The following MTFR1L variants were observed in gnomAD, a reference collection of about 807,000 sequenced individuals.
MTFR1L encodes the protein mitochondrial fission regulator 1 like, also known as mitochondrial fission regulator 1-like.
In MTFR1L, 10 loss-of-function variants were observed where a neutral mutation model predicts 27.9. The ratio of observed to expected loss-of-function variants is 0.36; its 90% CI spans 0.22 to 0.61. MTFR1L has a LOEUF of 0.61. Ranked by LOEUF, MTFR1L falls within the 20% of genes least tolerant of loss-of-function variation. The pLI, the probability that MTFR1L is intolerant of heterozygous loss-of-function variation, is 0.73. For missense variants in MTFR1L, 315 were observed against 363.7 expected (o/e 0.87, Z 1.09); for synonymous variants, 151 against 139.4 (o/e 1.08, Z -0.58).
intron 5 of MTFR1L, among the ~76,000 whole-genome samples, chr1:25,828,755 A>G (rs1389900135): frequency 6.6e-6 from 1 of 151,694 alleles, no homozygotes; most frequent in East Asian, 1.9e-4. Flanking sequence ...TCCCATCCTC[A>G]TTTTTTCACT....
intron 5 of MTFR1L, among the ~76,000 whole-genome samples, chr1:25,829,262 T>C (rs2048205615): frequency 6.6e-6 from 1 of 152,190 alleles, no homozygotes; most frequent in African/African-American, 2.4e-5. Flanking sequence ...AAGGCCATTA[T>C]GGGGCTGGGT....
rs1210067811 is a variant in MTFR1L, at chr1:25,826,298, A to G, written c.130-4A>G. 4.3e-6 allele frequency: 7 copies of G among 1,613,342 alleles called. No individual in the cohort carries two copies. The South Asian group carries it at 7.7e-5, about 18-fold the overall frequency. ...AAATGTTGATGACTTTTGCTTCTCC[A>G]TAGACCCTGCCCAACATCTCTGACC... On this transcript the variant is annotated splice_region_variant and splice_polypyrimidine_tract_variant and intron_variant, in intron 3 of 6. Transcript: ENST00000374303. This position sits in a 1 kb window ranked among gnomAD's most constrained non-coding sequence, Gnocchi z 4.1.
intron 6 of MTFR1L, among the ~76,000 whole-genome samples, chr1:25,831,343 C>T (rs1424047848): frequency 1.3e-5 from 2 of 152,114 alleles, no homozygotes; most frequent in Admixed American, 1.3e-4. Context: ...TAACTTGGGC[C>T]TACTTCAGTC....
intron 1 of MTFR1L, 140 bp downstream of exon 1, chr1:25,820,169 G>C (rs962648989): frequency 4.4e-6 from 2 of 453,308 alleles, no homozygotes; most frequent in Non-Finnish European, 8.9e-6. Flanking sequence ...GCAGCTGTCC[G>C]TCTCACTTGG....
At position 25,826,941 on chromosome 1, in the gene MTFR1L, G is replaced by T; in HGVS notation, c.451+115G>T. The T allele has an allele frequency of 1.7e-6, 2 of 1,191,876 alleles. No individual in the cohort carries two copies. Among genetic ancestry groups the T allele is most frequent in the Non-Finnish European group, 1.2e-6 (1 of 846,828 alleles). The allele number at this position is 1,191,876 out of a possible 1,614,324, so 73.8% of individuals were successfully genotyped here. A position where few individuals can be genotyped will look rare whatever the true frequency, so the allele number is the denominator to read the frequency against. ...CTTGGTTTGCAGGTACTTAGGTTCC[G>T]GGCCCTGGGGTTGTCCTGAAGCCTG... On this transcript the variant is annotated intron_variant, in intron 5 of 6. Transcript: ENST00000374303. The surrounding 1 kb of genome is among the most constrained non-coding windows in gnomAD (Gnocchi z 4.1).
rs1292650628 is a variant in MTFR1L at position 25,826,376 on chromosome 1, T to C, written c.204T>C (p.Ile68=). The stretch of plus-strand genomic sequence containing the variant: ...CTACCCTGGCTGACATCGCCTGGAT[T>C]GCTGCGGATGAAGAGGAGACATATG... The part of the protein sequence containing the change: ...PVPTLADIAW[I]AADEEETYAR... The change falls in exon 4 of 7, where the codon ATT becomes ATC. Residue 68 remains isoleucine (I), a synonymous_variant. Coordinates refer to ENST00000374303, the MANE Select transcript of MTFR1L (RefSeq NM_001099625.2). The surrounding 1 kb of genome is among the most constrained non-coding windows in gnomAD (Gnocchi z 4.1). 5 of 1,614,222 alleles carry C rather than the reference T, an allele frequency of 3.1e-6. No individual in the cohort carries two copies.
chr1:25,826,213 C>G lies in MTFR1L; in HGVS notation c.130-89C>G. ...AGGAAGCCTTCCTGACACCCAGTGC[C>G]GGATTAGGTACCCCTCCTGTGTATT... On this transcript the variant is annotated intron_variant, in intron 3 of 6. Transcript: ENST00000374303. The surrounding 1 kb of genome is among the most constrained non-coding windows in gnomAD (Gnocchi z 4.1). The G allele has an allele frequency of 9.0e-7, 1 of 1,108,056 alleles. No individual in the cohort carries two copies. The highest frequency in any genetic ancestry group is 1.3e-6 in the Non-Finnish European group (1 of 747,636). The allele number at this position is 1,108,056 out of a possible 1,614,324, so 68.6% of individuals were successfully genotyped here.
At position 25,826,067 on chromosome 1, in the gene MTFR1L, T is replaced by G. The variant is rs376375741; in HGVS notation, c.130-235T>G. 16 of 469,050 alleles carry G rather than the reference T, an allele frequency of 3.4e-5. No homozygotes were observed. Among genetic ancestry groups the G allele is most frequent in the African/African-American group, 3.1e-4 (16 of 50,922 alleles). 29.1% of individuals were successfully genotyped at this position (469,050 alleles called of 1,614,324 possible). A position where few individuals can be genotyped will look rare whatever the true frequency, so the allele number is the denominator to read the frequency against. ...CCAGGCTGATCTCAAACTCTTGGTC[T>G]CAAGCATTCTGCCTGCCTCGGCCTC... On this transcript the variant is annotated intron_variant, in intron 3 of 6. Transcript: ENST00000374303. The surrounding 1 kb of genome is among the most constrained non-coding windows in gnomAD (Gnocchi z 4.1).
intron 6 of MTFR1L, among the ~76,000 whole-genome samples, chr1:25,831,018 T>G (rs1320918261): frequency 2.6e-5 from 4 of 152,224 alleles, no homozygotes; most frequent in African/African-American, 9.7e-5. Context: ...AAACTTTCTC[T>G]TACTTGCCTT....
At chr1:25,820,405 C>T (rs1028724848) in intron 1 of MTFR1L, 58 of 450,338 alleles carry the variant, frequency 1.3e-4, no homozygotes, top group Admixed American at 3.1e-4. Flanking sequence ...CTTGGCCGAC[C>T]TTGGCCCAGG....
chr1:25,821,612 C>G (rs2048093635), intron 1 of MTFR1L: 1 of 152,342 alleles, frequency 6.6e-6, no homozygotes, highest in Admixed American at 6.5e-5. Flanking sequence ...TAGTCTATCT[C>G]CCATTCAGAG....
In MTFR1L at chr1:25,829,731, C is replaced by T; in HGVS notation, c.674C>T (p.Ser225Phe). The T allele has an allele frequency of 6.2e-7, 1 of 1,613,918 alleles. No individual in the cohort carries two copies. The highest frequency in any genetic ancestry group is 8.5e-7 in the Non-Finnish European group (1 of 1,180,036). ...KPEHKAACSS[S>F]EEDDCVSLSK... ...GAACACAAAGCTGCCTGCAGTTCGT[C>T]TGAAGAGGATGACTGCGTCTCTTTG... The change falls in exon 6 of 7, where the codon TCT becomes TTT. Residue 225 changes from serine (S) to phenylalanine (F), a missense_variant. Physicochemically the swap from Ser to Phe is radical, Grantham distance 155. Transcript: ENST00000374303.
intron 3 of MTFR1L, 120 bp downstream of exon 3, chr1:25,823,868 A>G: frequency 8.1e-7 from 1 of 1,235,692 alleles, no homozygotes. Flanking sequence ...GTTATGAAAT[A>G]TTTGTTAAAT....
At position 25,826,139 on chromosome 1, in the gene MTFR1L, C is replaced by G. The variant is rs1259655073; in HGVS notation, c.130-163C>G. The G allele has an allele frequency of 3.4e-6, 2 of 595,698 alleles. No homozygotes were observed. 36.9% of individuals were successfully genotyped at this position (595,698 alleles called of 1,614,324 possible). On this transcript the variant is annotated intron_variant, in intron 3 of 6. Transcript: ENST00000374303. The surrounding 1 kb of genome is among the most constrained non-coding windows in gnomAD (Gnocchi z 4.1). ...GTGAGCCACCATGCCTGACTGTCATCTGGCCTCTGTTCAATGTTTTCGACC... is the reference window on the plus strand; with the variant it reads ...GTGAGCCACCATGCCTGACTGTCATGTGGCCTCTGTTCAATGTTTTCGACC...
At chr1:25,823,245 GA>G in intron 2 of MTFR1L, 117 bp downstream of exon 2, 2 of 1,089,562 alleles carry the variant, frequency 1.8e-6, no homozygotes, top group Non-Finnish European at 2.8e-6. Flanking sequence ...CAGAGGCCTG[GA>G]ATTGGAGCAA....
Position 25,820,011 on chromosome 1 carries a change from C to G in MTFR1L, c.-105C>G, listed in dbSNP as rs538538362. On this transcript the variant is annotated 5_prime_UTR_variant, in exon 1 of 7. Coordinates refer to ENST00000374303, the MANE Select transcript of MTFR1L (RefSeq NM_001099625.2). ...AGGAGGGGCCGTGAGGTGAGAGAGTCCGGGAGCCCGAGCTTGAGGTGAGAA... is the reference window on the plus strand; with the variant it reads ...AGGAGGGGCCGTGAGGTGAGAGAGTGCGGGAGCCCGAGCTTGAGGTGAGAA... 1.4e-3 allele frequency: 504 copies of G among 351,798 alleles called. 10 individuals are homozygous for G. Among genetic ancestry groups the G allele is most frequent in the South Asian group, 0.01 (496 of 47,996 alleles). The allele number at this position is 351,798 out of a possible 1,614,324, so 21.8% of individuals were successfully genotyped here.
rs2048176546 is a variant in MTFR1L, at chr1:25,826,895, G to A, written c.451+69G>A. 1.2e-5 allele frequency: 18 copies of A among 1,535,184 alleles called. No homozygotes were observed. Among genetic ancestry groups the A allele is most frequent in the Non-Finnish European group, 1.4e-5 (16 of 1,127,970 alleles). On this transcript the variant is annotated intron_variant, in intron 5 of 6. Transcript: ENST00000374303. This position sits in a 1 kb window ranked among gnomAD's most constrained non-coding sequence, Gnocchi z 4.1. The stretch of plus-strand genomic sequence containing the variant: ...TTTCCCCTGGCTCTTGGGCAGGATA[G>A]GGGTAAAGAAAGTGGTAATCCTTGG...
Position 25,826,340 on chromosome 1 carries a change from G to GC in MTFR1L, c.173dup (p.Val59SerfsTer6). The GC allele has an allele frequency of 6.2e-7, 1 of 1,614,148 alleles. No individual in the cohort carries two copies. The highest frequency in any genetic ancestry group is 8.5e-7 in the Non-Finnish European group (1 of 1,180,026). On this transcript the variant is annotated frameshift_variant, in exon 4 of 7. Transcript: ENST00000374303. LOFTEE classifies it high-confidence loss of function. This position sits in a 1 kb window ranked among gnomAD's most constrained non-coding sequence, Gnocchi z 4.1. ...TCTCTGACCTGTGTTTGAGAGATGTGCCCCCAGTCCCTACCCTGGCTGACA... is the reference window on the plus strand; with the variant it reads ...TCTCTGACCTGTGTTTGAGAGATGTGCCCCCCAGTCCCTACCCTGGCTGACA...
At position 25,819,987 on chromosome 1, in the gene MTFR1L, G is replaced by A; in HGVS notation, c.-129G>A. On this transcript the variant is annotated 5_prime_UTR_variant, in exon 1 of 7. Coordinates refer to ENST00000374303, the MANE Select transcript of MTFR1L (RefSeq NM_001099625.2). ...TGAGGCTGGGCGGCCCAAGGTGGAAGGAGGGGCCGTGAGGTGAGAGAGTCC... is the reference window on the plus strand; with the variant it reads ...TGAGGCTGGGCGGCCCAAGGTGGAAAGAGGGGCCGTGAGGTGAGAGAGTCC... 1 of 333,410 alleles carries A rather than the reference G, an allele frequency of 3.0e-6. No individual in the cohort carries two copies. The highest frequency in any genetic ancestry group is 5.8e-6 in the Non-Finnish European group (1 of 173,040). The allele number at this position is 333,410 out of a possible 1,614,324, so 20.7% of individuals were successfully genotyped here.
Sources: gnomAD v4.1 joint callset for allele counts (sites outside exome capture counted in the v4.1 genomes callset) on GRCh38, gnomAD v4.1.1 for gene constraint, Gnocchi (gnomAD v3.1) non-coding constraint, MANE v1.5 for transcripts, NCBI Gene and HGNC (gene_info 2026-07-23, HGNC 2026-07-21) for gene names.